CLYBL: variants seen among roughly 807,000 people sequenced by gnomAD.
CLYBL encodes the protein citramalyl-CoA lyase, also known as citramalyl-CoA lyase, mitochondrial.
In CLYBL, 31 loss-of-function variants were observed where a neutral mutation model predicts 38.9. The ratio of observed to expected loss-of-function variants is 0.80; its 90% confidence interval spans 0.60 to 1.08. CLYBL has a LOEUF of 1.08. CLYBL is among the 50% of genes least tolerant of loss of function. The pLI is 0.00. For missense variants in CLYBL, 434 were observed against 411.6 expected (o/e 1.05, Z -0.47); for synonymous variants, 171 against 158.6 (o/e 1.08, Z -0.59).
intron 1 of CLYBL, among the ~76,000 whole-genome samples, chr13:99,751,884 T>TC (rs2048965039): frequency 6.6e-6 from 1 of 152,220 alleles, no homozygotes; most frequent in Non-Finnish European, 1.5e-5. Context: ...TATAAAATGA[T>TC]AGCCTATAGA....
At chr13:99,855,001 G>C (rs1342946090) in intron 2 of CLYBL, among the ~76,000 whole-genome samples, 1 of 152,226 alleles carries the variant, frequency 6.6e-6, no homozygotes, top group Non-Finnish European at 1.5e-5. Context: ...GGCCTGCAAA[G>C]ATTGTAATCT....
At chr13:99,828,567 T>C (rs904958721) in intron 2 of CLYBL, among the ~76,000 whole-genome samples, 2 of 152,216 alleles carry the variant, frequency 1.3e-5, no homozygotes, top group Non-Finnish European at 2.9e-5. Context: ...GAGCAGCATT[T>C]CTACATTTTA....
At chr13:99,877,104 T>C (rs1039985302) in intron 7 of CLYBL, among the ~76,000 whole-genome samples, 10 of 152,100 alleles carry the variant, frequency 6.6e-5, no homozygotes, top group African/African-American at 2.4e-4. Context: ...GATTGGAAAC[T>C]CCCAGAGCAA....
intron 1 of CLYBL, among the ~76,000 whole-genome samples, chr13:99,751,886 GC>G (rs2048965183): frequency 6.6e-6 from 1 of 152,186 alleles, no homozygotes; most frequent in Non-Finnish European, 1.5e-5. Context: ...TAAAATGATA[GC>G]CTATAGATCA....
intron 1 of CLYBL, among the ~76,000 whole-genome samples, chr13:99,665,586 G>GT (rs1021145805): frequency 3.3e-5 from 5 of 150,662 alleles, no homozygotes; most frequent in African/African-American, 1.2e-4. Flanking sequence ...GGTCCCAAAG[G>GT]TTAAAAAAAA....
intron 2 of CLYBL, among the ~76,000 whole-genome samples, chr13:99,839,190 T>C (rs1257829587): frequency 2.0e-5 from 3 of 152,202 alleles, no homozygotes; most frequent in Non-Finnish European, 4.4e-5. Context: ...GCTCAGAGTT[T>C]AGAAGGGGCA....
chr13:99,909,199 T>A (rs977610), exon 10 of CLYBL, among the ~76,000 whole-genome samples: 3 of 152,280 alleles, frequency 2.0e-5, no homozygotes, highest in African/African-American at 7.2e-5. Context: ...GAGGCTGCAC[T>A]GTGTCATTTA....
At chr13:99,638,338 T>C (rs887308537) in intron 1 of CLYBL, among the ~76,000 whole-genome samples, 3 of 152,266 alleles carry the variant, frequency 2.0e-5, no homozygotes, top group Admixed American at 6.5e-5. Flanking sequence ...CATTTCTTTT[T>C]ACTAATTCAG....
chr13:99,649,656 G>C (rs1040352694), intron 1 of CLYBL, among the ~76,000 whole-genome samples: 2 of 151,890 alleles, frequency 1.3e-5, no homozygotes, highest in African/African-American at 4.8e-5. Flanking sequence ...GCTTGAGCCG[G>C]GAGCATGAGA....
At chr13:99,642,054 A>G (rs936503207) in intron 1 of CLYBL, among the ~76,000 whole-genome samples, 1 of 152,264 alleles carries the variant, frequency 6.6e-6, no homozygotes, top group African/African-American at 2.4e-5. Flanking sequence ...AGGAGGACAG[A>G]CACCCTGGGG....
At position 99,794,681 on chromosome 13, in the gene CLYBL, G is replaced by A. The variant is rs192249122; in HGVS notation, c.249+21671G>A. Among the ~76,000 whole-genome samples, 23 of 150,998 alleles carry A rather than the reference G, an allele frequency of 1.5e-4. No homozygotes were observed. The East Asian group carries it at 3.5e-3, about 23-fold the overall frequency. The stretch of plus-strand genomic sequence containing the variant: ...GTCTTGGCTCACCACAACCTCCACC[G>A]TCTGAGTTCAACCAATTCTCATGCC... On this transcript the variant is annotated intron_variant, in intron 2 of 8. Coordinates refer to ENST00000339105, the MANE Select transcript of CLYBL (RefSeq NM_206808.5).
chr13:99,637,279 A>G (rs1293966894), intron 1 of CLYBL, among the ~76,000 whole-genome samples: 2 of 152,206 alleles, frequency 1.3e-5, no homozygotes, highest in Admixed American at 6.5e-5. Flanking sequence ...AAGAATTCCC[A>G]ATTATTAAGC....
intron 1 of CLYBL, among the ~76,000 whole-genome samples, chr13:99,734,932 T>C (rs1370556210): frequency 6.6e-6 from 1 of 152,180 alleles, no homozygotes; most frequent in Non-Finnish European, 1.5e-5. Context: ...CCCAGTTTTA[T>C]TTTGAATTTC....
chr13:99,861,161 A>G (rs543880519), intron 3 of CLYBL, among the ~76,000 whole-genome samples: 23 of 152,330 alleles, frequency 1.5e-4, no homozygotes, highest in Admixed American at 5.2e-4. Flanking sequence ...CTCCTTTTGA[A>G]AAAATTAATT....
chr13:99,783,833 A>G (rs1027282160), intron 2 of CLYBL: 1 of 151,916 alleles, frequency 6.6e-6, no homozygotes, highest in African/African-American at 2.4e-5. Context: ...ATGGATTATT[A>G]TGTCATGATT....
intron 1 of CLYBL, among the ~76,000 whole-genome samples, chr13:99,708,508 G>A (rs570519912): frequency 6.6e-6 from 1 of 152,330 alleles, no homozygotes; most frequent in East Asian, 1.9e-4. Context: ...ATGAGGGCCA[G>A]GTTCTGAAAT....
At chr13:99,824,689 G>C (rs1406769674) in intron 2 of CLYBL, among the ~76,000 whole-genome samples, 7 of 151,992 alleles carry the variant, frequency 4.6e-5, no homozygotes, top group Non-Finnish European at 1.0e-4. Context: ...GTCTGCACAA[G>C]TTTGCACACA....
intron 1 of CLYBL, among the ~76,000 whole-genome samples, chr13:99,753,855 G>A (rs1408529638): frequency 5.3e-5 from 8 of 151,078 alleles, no homozygotes; most frequent in African/African-American, 1.5e-4. Context: ...TTGGGAGGCC[G>A]AGACGGGCGG....
In CLYBL at chr13:99,760,893, CTATTT is replaced by C. The variant is rs2049152108; in HGVS notation, c.63-11930_63-11926del. 2.6e-5 allele frequency among the ~76,000 whole-genome samples: 4 copies of C among 152,196 alleles called. No individual in the cohort carries two copies. The South Asian group carries it at 6.2e-4, about 24-fold the overall frequency. On this transcript the variant is annotated intron_variant, in intron 1 of 8. Transcript: ENST00000339105. ...AACCATTTCAGTTCTTTTCTTCTAGCTATTTGGAAATATACAATAGATTATTGTAA... is the reference window on the plus strand; with the variant it reads ...AACCATTTCAGTTCTTTTCTTCTAGCGGAAATATACAATAGATTATTGTAA...
Sources: gnomAD v4.1 joint callset for allele counts (sites outside exome capture counted in the v4.1 genomes callset) on GRCh38, gnomAD v4.1.1 for gene constraint, MANE v1.5 for transcripts, NCBI Gene and HGNC (gene_info 2026-07-23, HGNC 2026-07-21) for gene names.